SOX5: variants seen among roughly 807,000 people sequenced by gnomAD.
SOX5 encodes the protein SRY-box transcription factor 5.
In SOX5, 9 loss-of-function variants were observed where a neutral mutation model predicts 92.0. The ratio of observed to expected loss-of-function variants is 0.10; its 90% CI spans 0.06 to 0.17. The LOEUF is 0.17. Among genes scored for constraint, SOX5 ranks in the 10% least tolerant of loss-of-function variants. The pLI is 1.00. For synonymous variants in SOX5, 344 were observed against 336.3 expected (o/e 1.02, Z -0.25); for missense variants, 642 against 944.5 (o/e 0.68, Z 4.20).
intron 4 of SOX5, among the ~76,000 whole-genome samples, chr12:24,090,691 A>G (rs755156115): frequency 3.3e-5 from 5 of 152,194 alleles, no homozygotes; most frequent in Non-Finnish European, 7.3e-5. Flanking sequence ...TTTACCCCAT[A>G]TACTATCAAT....
At chr12:23,680,368 T>C (rs1428089916) in intron 6 of SOX5, among the ~76,000 whole-genome samples, 1 of 112,674 alleles carries the variant, frequency 8.9e-6, no homozygotes. Flanking sequence ...ATAACAGAAA[T>C]TTAAAACTCA....
At chr12:23,537,039 A>C (rs1940669115) in intron 13 of SOX5, among the ~76,000 whole-genome samples, 2 of 152,152 alleles carry the variant, frequency 1.3e-5, no homozygotes, top group Non-Finnish European at 2.9e-5. Flanking sequence ...TCTGAGACTA[A>C]TTATCTAGTT....
intron 4 of SOX5, among the ~76,000 whole-genome samples, chr12:24,002,903 T>A (rs1012247089): frequency 3.4e-5 from 5 of 146,878 alleles, no homozygotes; most frequent in Non-Finnish European, 6.0e-5. Flanking sequence ...ATATTCATCA[T>A]GTATATAGAC....
At chr12:24,176,970 G>GT (rs1954879353) in intron 4 of SOX5, among the ~76,000 whole-genome samples, 4 of 56,862 alleles carry the variant, frequency 7.0e-5, no homozygotes, top group African/African-American at 1.4e-4. Flanking sequence ...GTCAAGTTTT[G>GT]TTTTTTGTTT....
chr12:23,670,741 G>T (rs1229084740), intron 6 of SOX5, among the ~76,000 whole-genome samples: 2 of 152,152 alleles, frequency 1.3e-5, no homozygotes, highest in Admixed American at 6.6e-5. Flanking sequence ...TGGAATTGAG[G>T]AAGAAAACTG....
chr12:24,424,798 GTT>G (rs35948858), intron 1 of SOX5, among the ~76,000 whole-genome samples: 84 of 96,240 alleles, frequency 8.7e-4, no homozygotes, highest in Admixed American at 3.5e-3. Context: ...TTCTTTGTGA[GTT>G]TTTTTTTTGG....
intron 11 of SOX5, among the ~76,000 whole-genome samples, chr12:23,552,722 T>C (rs2136179711): frequency 6.6e-6 from 1 of 152,010 alleles, no homozygotes; most frequent in East Asian, 1.9e-4. Context: ...TGCCTATCCA[T>C]TGAATGGGCT....
intron 4 of SOX5, among the ~76,000 whole-genome samples, chr12:24,062,843 T>C (rs1939995757): frequency 6.6e-6 from 1 of 152,190 alleles, no homozygotes; most frequent in African/African-American, 2.4e-5. Context: ...TTGTGTCTCA[T>C]ATTCTTCGGC....
intron 1 of SOX5, among the ~76,000 whole-genome samples, chr12:24,557,571 T>C (rs969126257): frequency 6.6e-6 from 1 of 152,060 alleles, no homozygotes; most frequent in African/African-American, 2.4e-5. Flanking sequence ...CTTCCAACAG[T>C]TTAATTGGTG....
chr12:24,394,702 G>T (rs1457899103), intron 1 of SOX5, among the ~76,000 whole-genome samples: 1 of 152,164 alleles, frequency 6.6e-6, no homozygotes, highest in Non-Finnish European at 1.5e-5. Context: ...GTAGAACAAT[G>T]CCTGAAAAAG....
At chr12:24,218,993 G>T (rs933632703) in intron 3 of SOX5, among the ~76,000 whole-genome samples, 1 of 151,998 alleles carries the variant, frequency 6.6e-6, no homozygotes, top group African/African-American at 2.4e-5. Context: ...GCAACTTTTA[G>T]AATACAGTTT....
intron 1 of SOX5, among the ~76,000 whole-genome samples, chr12:24,368,843 GAAT>G (rs1348393051): frequency 6.6e-6 from 1 of 152,096 alleles, no homozygotes; most frequent in East Asian, 1.9e-4. Context: ...CCATTCTTGA[GAAT>G]AATTGCTTCT....
chr12:24,249,820 T>C (rs988309160), intron 3 of SOX5, among the ~76,000 whole-genome samples: 3 of 152,220 alleles, frequency 2.0e-5, no homozygotes, highest in African/African-American at 4.8e-5. Context: ...AATTAAATGG[T>C]CTTTTATATT....
At chr12:23,792,552 G>A (rs1053629271) in intron 3 of SOX5, among the ~76,000 whole-genome samples, 10 of 140,526 alleles carry the variant, frequency 7.1e-5, no homozygotes, top group East Asian at 2.4e-4. Flanking sequence ...GAACCCAGGA[G>A]GCAGAGGTTG....
intron 3 of SOX5, among the ~76,000 whole-genome samples, chr12:23,783,375 T>C (rs189128671): frequency 5.3e-5 from 8 of 152,326 alleles, no homozygotes; most frequent in Admixed American, 3.3e-4. Context: ...TGTTGAAAGA[T>C]GTACTGATTC....
At chr12:24,056,848 G>A (rs936765624) in intron 4 of SOX5, among the ~76,000 whole-genome samples, 1 of 148,108 alleles carries the variant, frequency 6.8e-6, no homozygotes, top group Non-Finnish European at 1.5e-5. Context: ...AGTGGCGGGC[G>A]CCTGTAGTCC....
intron 5 of SOX5, among the ~76,000 whole-genome samples, chr12:23,736,676 T>C (rs1259117634): frequency 6.7e-6 from 1 of 150,300 alleles, no homozygotes; most frequent in Non-Finnish European, 1.5e-5. Context: ...AAAAAACACA[T>C]TTTGTTCTTT....
At chr12:23,596,795 G>A (rs2137281671) in intron 9 of SOX5, among the ~76,000 whole-genome samples, 1 of 152,152 alleles carries the variant, frequency 6.6e-6, no homozygotes, top group East Asian at 1.9e-4. Flanking sequence ...TGTTCATTGA[G>A]GTTTTATCAG....
At chr12:24,037,755 T>C (rs1016734984) in intron 4 of SOX5, among the ~76,000 whole-genome samples, 1 of 152,136 alleles carries the variant, frequency 6.6e-6, no homozygotes, top group African/African-American at 2.4e-5. Flanking sequence ...AAATACAAAA[T>C]TATTTATTCA....
Sources: allele counts gnomAD v4.1 joint callset (sites outside exome capture counted in the v4.1 genomes callset), GRCh38; gene constraint gnomAD v4.1.1; transcripts MANE v1.5; gene names NCBI Gene and HGNC (gene_info 2026-07-23, HGNC 2026-07-21).